PCDH15: variants seen among roughly 807,000 people sequenced by gnomAD.
The protein encoded by PCDH15 is protocadherin related 15, also known as protocadherin-15.
In PCDH15, 129 loss-of-function variants were observed where a neutral mutation model predicts 178.5. The ratio of observed to expected loss-of-function variants is 0.72; its 90% CI spans 0.63 to 0.84. The LOEUF (loss-of-function observed/expected upper bound fraction) is 0.84. Among genes scored for constraint, PCDH15 ranks in the 40% least tolerant of loss-of-function variants. The pLI is 0.00. For synonymous variants in PCDH15, 800 were observed against 732.0 expected, an observed-to-expected ratio of 1.09 and a Z score of -1.50; for missense variants, 2,230 against 2,099.9, an observed-to-expected ratio of 1.06 and a Z score of -1.21.
intron 2 of PCDH15, among the ~76,000 whole-genome samples, chr10:54,623,348 T>C (rs2093446939): frequency 6.6e-6 from 1 of 152,164 alleles, no homozygotes; most frequent in South Asian, 2.1e-4. Flanking sequence ...AGTCAAATTG[T>C]GGTTCCTTTT....
At chr10:55,121,090 G>A (rs898615943) in intron 2 of PCDH15, among the ~76,000 whole-genome samples, 1 of 152,174 alleles carries the variant, frequency 6.6e-6, no homozygotes, top group African/African-American at 2.4e-5. Flanking sequence ...ACCCATGAGA[G>A]CTGCTGTGTA....
intron 2 of PCDH15, among the ~76,000 whole-genome samples, chr10:54,554,554 A>G (rs2086961147): frequency 6.6e-6 from 1 of 152,196 alleles, no homozygotes. Context: ...TACACAGTGG[A>G]GAAAATATTT....
In PCDH15 at chr10:54,329,734, G is replaced by T. The variant is rs368816371; in HGVS notation, c.595-28C>A. On this transcript the variant is annotated intron_variant, in intron 6 of 37. Coordinates refer to ENST00000644397, the MANE Select transcript of PCDH15 (RefSeq NM_001384140.1). ...GCAAATATTAAAGATACAGACTTCA[G>T]ATTATTTGAATGTAAGATGAATTAA... is the stretch of plus-strand genomic sequence containing the variant. The T allele has an allele frequency of 6.0e-5, 82 of 1,367,082 alleles. No homozygotes were observed. The African/African-American group carries it at 9.2e-4, about 15-fold the overall frequency. The allele number at this position is 1,367,082 out of a possible 1,614,324, so 84.7% of individuals were successfully genotyped here. A position where few individuals can be genotyped will look rare whatever the true frequency, so the allele number is the denominator to read the frequency against.
intron 1 of PCDH15, among the ~76,000 whole-genome samples, chr10:55,231,236 G>A (rs1421198486): frequency 1.3e-5 from 2 of 151,928 alleles, no homozygotes; most frequent in African/African-American, 4.8e-5. Context: ...TAAACTTGTT[G>A]AAAGAGATTG....
chr10:55,243,010 A>G (rs2132214498), intron 1 of PCDH15, among the ~76,000 whole-genome samples: 1 of 152,332 alleles, frequency 6.6e-6, no homozygotes, highest in Non-Finnish European at 1.5e-5. Context: ...TTTCTAGAGG[A>G]AATGGAATAG....
chr10:55,118,270 C>A (rs906931213), intron 2 of PCDH15, among the ~76,000 whole-genome samples: 4 of 152,170 alleles, frequency 2.6e-5, no homozygotes, highest in African/African-American at 9.7e-5. Flanking sequence ...AATAAAAAAT[C>A]TGGGTCCTCT....
At chr10:55,120,214 T>A (rs1440878324) in intron 2 of PCDH15, among the ~76,000 whole-genome samples, 1 of 152,112 alleles carries the variant, frequency 6.6e-6, no homozygotes, top group African/African-American at 2.4e-5. Flanking sequence ...AAACTGGATT[T>A]CTTGTGTATA....
chr10:55,564,141 A>T (rs892411625), intron 2 of PCDH15, among the ~76,000 whole-genome samples: 7 of 151,788 alleles, frequency 4.6e-5, no homozygotes, highest in East Asian at 1.9e-4. Flanking sequence ...TGGTTTGTAC[A>T]TCTACATTTT....
chr10:54,987,940 GC>G (rs1450620530), intron 2 of PCDH15, among the ~76,000 whole-genome samples: 1 of 152,036 alleles, frequency 6.6e-6, no homozygotes, highest in East Asian at 1.9e-4. Flanking sequence ...CTTTGCCCGT[GC>G]CTGTGTGCTA....
chr10:55,237,279 C>T (rs982140517), intron 1 of PCDH15, among the ~76,000 whole-genome samples: 4 of 152,078 alleles, frequency 2.6e-5, no homozygotes, highest in Non-Finnish European at 5.9e-5. Flanking sequence ...GAAGAAAAAA[C>T]AGCCCCTTCT....
At chr10:54,516,342 A>C (rs1261336822) in intron 3 of PCDH15, among the ~76,000 whole-genome samples, 1 of 152,182 alleles carries the variant, frequency 6.6e-6, no homozygotes, top group African/African-American at 2.4e-5. Context: ...TAACTAGAAT[A>C]ACAAATGCAG....
At chr10:55,236,192 G>A (rs924870348) in intron 1 of PCDH15, among the ~76,000 whole-genome samples, 5 of 151,700 alleles carry the variant, frequency 3.3e-5, no homozygotes, top group Admixed American at 6.6e-5. Flanking sequence ...TCTAGCAGAC[G>A]TCTTGTTGCA....
At chr10:54,172,764 A>G (rs1159724478) in intron 13 of PCDH15, among the ~76,000 whole-genome samples, 2 of 152,206 alleles carry the variant, frequency 1.3e-5, no homozygotes, top group Non-Finnish European at 2.9e-5. Context: ...CACAATTTAC[A>G]TGATTGTAAA....
At chr10:54,860,121 C>T (rs1953813354) in intron 3 of PCDH15, among the ~76,000 whole-genome samples, 1 of 151,860 alleles carries the variant, frequency 6.6e-6, no homozygotes, top group South Asian at 2.1e-4. Context: ...TTATTCTTTT[C>T]TTTCCTTGTT....
chr10:54,987,889 G>T (rs1181664280), intron 2 of PCDH15, among the ~76,000 whole-genome samples: 1 of 151,838 alleles, frequency 6.6e-6, no homozygotes, highest in Non-Finnish European at 1.5e-5. Context: ...TGTCAATTTT[G>T]CCTTTTGTTG....
intron 1 of PCDH15, among the ~76,000 whole-genome samples, chr10:55,180,901 T>A (rs573298226): frequency 2.3e-4 from 35 of 151,962 alleles, no homozygotes; most frequent in Non-Finnish European, 4.9e-4. Flanking sequence ...GGAATAAAAA[T>A]ACCTTGGCTG....
chr10:54,906,909 T>G (rs1954732505), intron 2 of PCDH15, among the ~76,000 whole-genome samples: 2 of 152,172 alleles, frequency 1.3e-5, no homozygotes, highest in African/African-American at 4.8e-5. Context: ...GAAATCACAT[T>G]ACCCTAATAA....
In PCDH15 at chr10:53,806,955, C is replaced by A; in HGVS notation, c.4847G>T (p.Arg1616Leu). Residue 1616 changes from arginine to leucine, a missense_variant, in exon 38 of 38, where the codon CGT becomes CTT. By Grantham distance (102) the Arg-to-Leu change is moderately radical. Coordinates refer to ENST00000644397, the MANE Select transcript of PCDH15 (RefSeq NM_001384140.1). ...AQNGSVVRTR[R>L]ACLTDNLKVA... Reference sequence around the variant, plus strand: ...TTTTAAGTTGTCCGTGAGGCAGGCACGGCGGGTTCTCACCACAGAACCATT... The same window carrying A: ...TTTTAAGTTGTCCGTGAGGCAGGCAAGGCGGGTTCTCACCACAGAACCATT... 1.9e-6 allele frequency: 3 copies of A among 1,613,804 alleles called. No individual in the cohort carries two copies. The highest frequency in any genetic ancestry group is 2.2e-5 in the East Asian group (1 of 44,856).
chr10:54,267,195 A>T (rs987423329), intron 8 of PCDH15, among the ~76,000 whole-genome samples: 4 of 73,024 alleles, frequency 5.5e-5, no homozygotes, highest in Non-Finnish European at 1.3e-4. Context: ...TTATCTCAAC[A>T]GATACGTTAA....
Sources: allele counts gnomAD v4.1 joint callset (sites outside exome capture counted in the v4.1 genomes callset), GRCh38; gene constraint gnomAD v4.1.1; transcripts MANE v1.5; gene names NCBI Gene and HGNC (gene_info 2026-07-23, HGNC 2026-07-21).